The following HMGA1 variants were observed in gnomAD, a reference collection of about 807,000 sequenced individuals.
The protein encoded by HMGA1 is high mobility group protein HMG-I/HMG-Y.
A neutral mutation model predicts 15.1 loss-of-function variants in HMGA1; 1 was observed. The observed-to-expected ratio is 0.07, with a 90% CI of 0.02 to 0.31. The LOEUF (loss-of-function observed/expected upper bound fraction) is 0.31. HMGA1 is among the 10% of genes least tolerant of loss of function. The pLI, the probability that HMGA1 is intolerant of heterozygous loss-of-function variation, is 1.00. For synonymous variants in HMGA1, 56 were observed against 54.8 expected (o/e 1.02, Z -0.10); for missense variants, 94 against 141.4 (o/e 0.66, Z 1.70).
At chr6:34,238,092 G>A (rs1400607954) in intron 2 of HMGA1, among the ~76,000 whole-genome samples, 1 of 152,146 alleles carries the variant, frequency 6.6e-6, no homozygotes, top group Non-Finnish European at 1.5e-5. Flanking sequence ...GGAGGGAGGG[G>A]GCTTTCTTCC....
rs371687257 is a variant in HMGA1, at chr6:34,240,966, G to C, written c.135+51G>C. The C allele has an allele frequency of 3.6e-4, 576 of 1,606,926 alleles. 1 individual carries two copies. In the African/African-American group the frequency reaches 6.5e-3, roughly 18 times the overall value. ...TTGGTTTACCCTTTGGGGCTAGGGA[G>C]GTGCCTGGAGTTTCATTCAGCAGGC... On this transcript the variant is annotated intron_variant, in intron 3 of 5. Coordinates refer to ENST00000311487, the MANE Select transcript of HMGA1 (RefSeq NM_145899.3).
chr6:34,239,991 CAGAGGAGGGGTAAGGGGAA>C (rs1027004076), intron 2 of HMGA1, among the ~76,000 whole-genome samples: 3 of 152,140 alleles, frequency 2.0e-5, no homozygotes, highest in African/African-American at 7.2e-5. Flanking sequence ...TCCAGTTGGG[CAGAGGAGGGGTAAGGGGAA>C]AGAGGAGGGT....
At position 34,244,907 on chromosome 6, in the gene HMGA1, C is replaced by CA; in HGVS notation, c.*24dup. The CA allele has an allele frequency of 1.3e-6, 2 of 1,552,240 alleles. No individual in the cohort carries two copies. The highest frequency in any genetic ancestry group is 1.7e-6 in the Non-Finnish European group (2 of 1,147,844). On this transcript the variant is annotated 3_prime_UTR_variant, in exon 6 of 6. Transcript: ENST00000311487. Reference sequence around the variant, plus strand: ...TGACCCATGCGTGCCGCCTGCTCCTCACTGGAGGAGCAGCTTCCTTCTGGG... The same window carrying CA: ...TGACCCATGCGTGCCGCCTGCTCCTCAACTGGAGGAGCAGCTTCCTTCTGGG...
chr6:34,241,297 A>AG (rs1256437511), intron 3 of HMGA1, among the ~76,000 whole-genome samples: 1 of 152,228 alleles, frequency 6.6e-6, no homozygotes. Context: ...TGAACATAGA[A>AG]GCCCAGGGTT....
chr6:34,238,286 G>T (rs1441416525), intron 2 of HMGA1, among the ~76,000 whole-genome samples: 1 of 152,104 alleles, frequency 6.6e-6, no homozygotes, highest in Non-Finnish European at 1.5e-5. Context: ...GGGTCCCGCC[G>T]GCCGGCCTGC....
Position 34,240,813 on chromosome 6 carries a change from C to T in HMGA1, c.33C>T (p.Pro11=), listed in dbSNP as rs755412030. 1.2e-6 allele frequency: 2 copies of T among 1,612,896 alleles called. No homozygotes were observed. The highest frequency in any genetic ancestry group is 1.1e-5 in the South Asian group (1 of 91,024). ...AGTCGAGCTCGAAGTCCAGCCAGCC[C>T]TTGGCCTCCAAGCAGGAAAAGGACG... MSESSSKSSQ[P]LASKQEKDGT... The change falls in exon 3 of 6, where the codon CCC becomes CCT. Residue 11 remains proline, a synonymous_variant. Transcript: ENST00000311487.
chr6:34,242,584 A>C, intron 3 of HMGA1, 128 bp from the exon 4 acceptor site: 1 of 708,278 alleles, frequency 1.4e-6, no homozygotes, highest in Admixed American at 2.0e-5. Flanking sequence ...AGGGATTCCT[A>C]GGTCAGGGAT....
At chr6:34,237,427 G>A (rs1761858943) in intron 2 of HMGA1, 110 bp downstream of exon 2, 2 of 143,688 alleles carry the variant, frequency 1.4e-5, no homozygotes. Context: ...CGCGCCGCCG[G>A]CTTTATTCCC....
At chr6:34,244,705 A>G (rs1020023595) in intron 5 of HMGA1, 126 bp from the exon 6 acceptor site, 2 of 777,878 alleles carry the variant, frequency 2.6e-6, no homozygotes, top group Non-Finnish European at 4.5e-6. Context: ...AGTCACCCAC[A>G]CACTCAGCCC....
chr6:34,240,930 CT>C lies in HMGA1; in HGVS notation c.135+18del, dbSNP rs777799112. ...TAGGGAGTCAGGTGGGTGTCCAAAC[CT>C]TTGCTTCACTTGGTTTACCCTTTGG... On this transcript the variant is annotated intron_variant, in intron 3 of 5. Transcript: ENST00000311487. The C allele has an allele frequency of 6.2e-7, 1 of 1,613,598 alleles. No homozygotes were observed. Among genetic ancestry groups the C allele is most frequent in the South Asian group, 1.1e-5 (1 of 91,062 alleles).
At chr6:34,237,850 C>T (rs1238551606) in intron 2 of HMGA1, among the ~76,000 whole-genome samples, 1 of 151,850 alleles carries the variant, frequency 6.6e-6, no homozygotes, top group Non-Finnish European at 1.5e-5. Context: ...CCCTCTCGGC[C>T]TTTCTCTCGC....
intron 2 of HMGA1, among the ~76,000 whole-genome samples, chr6:34,239,497 A>C (rs1251645282): frequency 6.6e-6 from 1 of 152,142 alleles, no homozygotes; most frequent in Non-Finnish European, 1.5e-5. Context: ...ACTATTACCT[A>C]GTTTGATCCT....
chr6:34,245,386 G>A lies in HMGA1; in HGVS notation c.*502G>A. The A allele has an allele frequency of 7.4e-7, 1 of 1,356,490 alleles. No individual in the cohort carries two copies. Among genetic ancestry groups the A allele is most frequent in the Non-Finnish European group, 9.7e-7 (1 of 1,030,948 alleles). 84.0% of individuals were successfully genotyped at this position (1,356,490 alleles called of 1,614,324 possible). A position where few individuals can be genotyped will look rare whatever the true frequency, so the allele number is the denominator to read the frequency against. On this transcript the variant is annotated 3_prime_UTR_variant, in exon 6 of 6. Coordinates refer to ENST00000311487, the MANE Select transcript of HMGA1 (RefSeq NM_145899.3). The stretch of plus-strand genomic sequence containing the variant: ...TACTCCACTGCCCTGGCAGCAGCAG[G>A]TGTGGCCAATGGAGGGGGGTGCTGG...
At chr6:34,243,345 T>C in intron 4 of HMGA1, 123 bp from the exon 5 acceptor site, 1 of 781,982 alleles carries the variant, frequency 1.3e-6, no homozygotes. Flanking sequence ...TGGGTGGGCC[T>C]GTTGGGTGAG....
chr6:34,237,992 C>G (rs1030854860), intron 2 of HMGA1, among the ~76,000 whole-genome samples: 5 of 152,168 alleles, frequency 3.3e-5, no homozygotes, highest in Admixed American at 3.3e-4. Flanking sequence ...ACTGGTTTCG[C>G]TGCTTTGCTG....
rs1336866794 is a variant in HMGA1, at chr6:34,245,259, T to C, written c.*375T>C. ...CTGGGCTTTTGGTTTGGGGGCGCCC[T>C]CTCTGCTCCTTCACTGTTCCCTCTG... On this transcript the variant is annotated 3_prime_UTR_variant, in exon 6 of 6. Transcript: ENST00000311487. The C allele has an allele frequency of 1.0e-5, 14 of 1,376,618 alleles. No homozygotes were observed. Among genetic ancestry groups the C allele is most frequent in the Non-Finnish European group, 1.3e-5 (14 of 1,043,430 alleles). The allele number at this position is 1,376,618 out of a possible 1,614,324, so 85.3% of individuals were successfully genotyped here.
At position 34,240,811 on chromosome 6, in the gene HMGA1, C is replaced by T. The variant is rs753987224; in HGVS notation, c.31C>T (p.Pro11Ser). Residue 11 changes from proline to serine, a missense_variant, in exon 3 of 6, where the codon CCC becomes TCC. Pro to Ser is a moderately conservative substitution (Grantham distance 74, BLOSUM62 -1). Coordinates refer to ENST00000311487, the MANE Select transcript of HMGA1 (RefSeq NM_145899.3). The stretch of plus-strand genomic sequence containing the variant: ...TGAGTCGAGCTCGAAGTCCAGCCAG[C>T]CCTTGGCCTCCAAGCAGGAAAAGGA... MSESSSKSSQ[P>S]LASKQEKDGT... The T allele has an allele frequency of 1.2e-6, 2 of 1,612,732 alleles. No individual in the cohort carries two copies. Among genetic ancestry groups the T allele is most frequent in the Non-Finnish European group, 1.7e-6 (2 of 1,179,880 alleles).
chr6:34,237,852 T>C (rs1761932692), intron 2 of HMGA1, among the ~76,000 whole-genome samples: 1 of 151,830 alleles, frequency 6.6e-6, no homozygotes, highest in East Asian at 2.0e-4. Context: ...CTCTCGGCCT[T>C]TCTCTCGCGC....
intron 3 of HMGA1, among the ~76,000 whole-genome samples, chr6:34,242,067 G>T (rs3798539): frequency 0.025 from 3,833 of 152,238 alleles, 143 homozygotes; most frequent in African/African-American, 0.085. Flanking sequence ...TAGCTGGCGC[G>T]CCTTCACCAC....
Sources: gnomAD v4.1 joint callset for allele counts (sites outside exome capture counted in the v4.1 genomes callset) on GRCh38, gnomAD v4.1.1 for gene constraint, MANE v1.5 for transcripts, NCBI Gene and HGNC (gene_info 2026-07-23, HGNC 2026-07-21) for gene names.